SDK1: variants seen among roughly 807,000 people sequenced by gnomAD.
SDK1 encodes protein sidekick-1.
In SDK1, 157 loss-of-function variants were observed where a neutral mutation model predicts 245.5. The observed-to-expected ratio is 0.64, with a 90% CI of 0.56 to 0.73. The LOEUF is 0.73. Among genes scored for constraint, SDK1 ranks in the 30% least tolerant of loss-of-function variants. SDK1 has a pLI of 0.00. For missense variants in SDK1, 3,583 were observed against 3,002.3 expected (o/e 1.19, Z -4.52); for synonymous variants, 1,647 against 1,278.5 (o/e 1.29, Z -6.15).
In SDK1 at chr7:4,268,120, G is replaced by A. The variant is rs10237400; in HGVS notation, c.*2736G>A. The A allele has an allele frequency of 5.0e-3, 4,885 of 985,814 alleles. 144 individuals carry two copies. In the African/African-American group the frequency reaches 0.069, roughly 14 times the overall value. 61.1% of individuals were successfully genotyped at this position (985,814 alleles called of 1,614,324 possible). ...GAATGTGCTCCCGCTCTCTCCTGCC[G>A]TGCTGAAAGTCATGCCTTGCGGATG... On this transcript the variant is annotated 3_prime_UTR_variant, in exon 45 of 45. Transcript: ENST00000404826.
At chr7:4,231,444 A>G (rs1357685582) in intron 40 of SDK1, among the ~76,000 whole-genome samples, 1 of 151,846 alleles carries the variant, frequency 6.6e-6, no homozygotes, top group African/African-American at 2.4e-5. Flanking sequence ...GTGGTGGCGC[A>G]TGCCTGTAGA....
intron 4 of SDK1, among the ~76,000 whole-genome samples, chr7:3,777,715 C>G (rs529698423): frequency 1.3e-5 from 2 of 151,824 alleles, no homozygotes; most frequent in Non-Finnish European, 2.9e-5. Context: ...ACCACACTGC[C>G]CATCTATATA....
intron 19 of SDK1, among the ~76,000 whole-genome samples, chr7:4,054,832 G>A (rs936409880): frequency 4.0e-5 from 6 of 151,428 alleles, no homozygotes; most frequent in Non-Finnish European, 7.4e-5. Context: ...TTTTTTTCAC[G>A]TGCTCTTACT....
chr7:3,555,117 T>G (rs965119463), intron 1 of SDK1, among the ~76,000 whole-genome samples: 3 of 152,086 alleles, frequency 2.0e-5, no homozygotes, highest in Admixed American at 2.0e-4. Context: ...AAGCCAAGAA[T>G]AGACAAATTT....
intron 32 of SDK1, among the ~76,000 whole-genome samples, chr7:4,168,911 C>T (rs4720183): frequency 0.47 from 70,912 of 152,016 alleles, 17,800 homozygotes; most frequent in East Asian, 0.76. Flanking sequence ...CCAGCCACTC[C>T]CACCCCACCA....
At chr7:4,065,719 T>G (rs925352479) in intron 19 of SDK1, among the ~76,000 whole-genome samples, 1 of 111,308 alleles carries the variant, frequency 9.0e-6, no homozygotes, top group Non-Finnish European at 1.7e-5. Flanking sequence ...TTTTTTTTTT[T>G]TTTTTTTTTT....
At chr7:3,997,087 G>T (rs1596392) in intron 14 of SDK1, among the ~76,000 whole-genome samples, 67,754 of 152,024 alleles carry the variant, frequency 0.45, 17,074 homozygotes, top group African/African-American at 0.7. Context: ...TTTCTAGTCA[G>T]TCTAACCCCT....
chr7:3,311,189 G>T (rs1056163495), intron 1 of SDK1, among the ~76,000 whole-genome samples: 2 of 152,112 alleles, frequency 1.3e-5, no homozygotes, highest in Non-Finnish European at 2.9e-5. Context: ...GATGGGCCTG[G>T]GGGGAGAGTA....
At chr7:4,000,502 C>A (rs1264798333) in intron 14 of SDK1, among the ~76,000 whole-genome samples, 2 of 152,152 alleles carry the variant, frequency 1.3e-5, no homozygotes, top group Non-Finnish European at 2.9e-5. Flanking sequence ...AATCTCTGAG[C>A]TGCACGGCTG....
chr7:3,932,867 C>G (rs1240838622), intron 5 of SDK1, among the ~76,000 whole-genome samples: 7 of 152,104 alleles, frequency 4.6e-5, no homozygotes, highest in African/African-American at 1.7e-4. Context: ...AAGCCAACAC[C>G]CACCTCTGTC....
chr7:4,258,109 A>G (rs1787739843), intron 44 of SDK1, among the ~76,000 whole-genome samples: 5 of 152,172 alleles, frequency 3.3e-5, no homozygotes, highest in African/African-American at 1.2e-4. Flanking sequence ...GGACTTTTAG[A>G]TCTTTGGCTG....
intron 5 of SDK1, among the ~76,000 whole-genome samples, chr7:3,933,817 A>G (rs1780063178): frequency 6.6e-6 from 1 of 152,216 alleles, no homozygotes; most frequent in Admixed American, 6.5e-5. Context: ...TACTTAAGAT[A>G]TGAAAAAATA....
chr7:3,866,389 T>G (rs1308656533), intron 5 of SDK1, among the ~76,000 whole-genome samples: 1 of 152,152 alleles, frequency 6.6e-6, no homozygotes, highest in Non-Finnish European at 1.5e-5. Flanking sequence ...ATAACTGTGA[T>G]CATTCCAGAG....
At chr7:4,083,202 A>T (rs114259239) in intron 22 of SDK1, among the ~76,000 whole-genome samples, 3,478 of 152,276 alleles carry the variant, frequency 0.023, 62 homozygotes, top group Admixed American at 0.05. Context: ...GTGACCACAG[A>T]TGAGATAATG....
At chr7:3,778,969 G>C (rs1229820665) in intron 4 of SDK1, among the ~76,000 whole-genome samples, 1 of 152,124 alleles carries the variant, frequency 6.6e-6, no homozygotes, top group Admixed American at 6.5e-5. Context: ...ACACTTAATA[G>C]GATTTGAGAT....
chr7:4,076,051 C>G (rs1240514216), intron 20 of SDK1, among the ~76,000 whole-genome samples: 1 of 152,036 alleles, frequency 6.6e-6, no homozygotes, highest in African/African-American at 2.4e-5. Context: ...AGGGGGAAAT[C>G]AAATTTATTA....
intron 1 of SDK1, among the ~76,000 whole-genome samples, chr7:3,460,524 G>A (rs1780801583): frequency 1.3e-5 from 2 of 152,162 alleles, no homozygotes; most frequent in South Asian, 4.1e-4. Flanking sequence ...AAGGAATTCG[G>A]ATAATTTATA....
At chr7:3,400,216 A>G (rs1323385334) in intron 1 of SDK1, among the ~76,000 whole-genome samples, 1 of 152,136 alleles carries the variant, frequency 6.6e-6, no homozygotes, top group African/African-American at 2.4e-5. Context: ...GATGGAGTAG[A>G]CCAAGTTAAA....
At chr7:3,826,857 T>A (rs1411845832) in intron 5 of SDK1, among the ~76,000 whole-genome samples, 1 of 152,190 alleles carries the variant, frequency 6.6e-6, no homozygotes, top group Non-Finnish European at 1.5e-5. Flanking sequence ...ATATTTCGTT[T>A]CTGCGCCCCA....
Sources: allele counts gnomAD v4.1 joint callset (sites outside exome capture counted in the v4.1 genomes callset), GRCh38; gene constraint gnomAD v4.1.1; transcripts MANE v1.5; gene names NCBI Gene and HGNC (gene_info 2026-07-23, HGNC 2026-07-21).